RABGAP1L: variants seen among roughly 807,000 people sequenced by gnomAD.
RABGAP1L encodes the protein RAB GTPase activating protein 1 like.
A neutral mutation model predicts 137.7 loss-of-function variants in RABGAP1L; 63 were observed. The ratio of observed to expected loss-of-function variants is 0.46; its 90% CI spans 0.37 to 0.56. RABGAP1L has a LOEUF of 0.56. RABGAP1L is among the 20% of genes least tolerant of loss of function. The pLI is 0.00. For missense variants in RABGAP1L, 1,095 were observed against 1,244.0 expected, an observed-to-expected ratio of 0.88 and a Z score of 1.80; for synonymous variants, 431 against 433.7, an observed-to-expected ratio of 0.99 and a Z score of 0.08.
rs950995204 is a variant in RABGAP1L at position 174,272,398 on chromosome 1, C to T, written c.987-16C>T. On this transcript the variant is annotated splice_polypyrimidine_tract_variant and intron_variant, in intron 7 of 25. Coordinates refer to ENST00000681986, the MANE Select transcript of RABGAP1L (RefSeq NM_001366446.1). ...TTGATACCTTATTTCTCCTTTTTTT[C>T]CCCCAATATTTTCAGATGTTTTGGA... 3 of 1,594,806 alleles carry T rather than the reference C, an allele frequency of 1.9e-6. No individual in the cohort carries two copies. Among genetic ancestry groups the T allele is most frequent in the Admixed American group, 1.8e-5 (1 of 55,576 alleles).
chr1:174,507,199 A>C (rs944168268), intron 13 of RABGAP1L, among the ~76,000 whole-genome samples: 3 of 152,242 alleles, frequency 2.0e-5, no homozygotes, highest in Admixed American at 6.5e-5. Context: ...AATGGGACAG[A>C]ATACTGCTGC....
rs1308605393 is a variant in RABGAP1L at position 174,671,158 on chromosome 1, A to G, written c.1825-12364A>G. On this transcript the variant is annotated intron_variant, in intron 14 of 25. Transcript: ENST00000681986. ...ACCGTTAGTGCATAGAAATGCTACT[A>G]ACACACTTTTATAAGTTGATTTTGT... 3.3e-5 allele frequency among the ~76,000 whole-genome samples: 5 copies of G among 152,238 alleles called. No homozygotes were observed. The East Asian group carries it at 9.6e-4, about 29-fold the overall frequency.
chr1:174,981,041 T>A (rs138043657), intron 23 of RABGAP1L, among the ~76,000 whole-genome samples: 152 of 152,214 alleles, frequency 1.0e-3, no homozygotes, highest in Middle Eastern at 6.8e-3. Context: ...GAATTTCCCA[T>A]TGCTACAAAT....
intron 13 of RABGAP1L, among the ~76,000 whole-genome samples, chr1:174,492,757 A>C (rs1660382039): frequency 6.6e-6 from 1 of 152,068 alleles, no homozygotes. Context: ...CATTACATGA[A>C]GGCTTTGTTC....
chr1:174,534,967 A>G (rs1558316793), intron 13 of RABGAP1L, among the ~76,000 whole-genome samples: 4 of 152,094 alleles, frequency 2.6e-5, no homozygotes, highest in Admixed American at 2.6e-4. Flanking sequence ...TAGTGTATAC[A>G]GTGTGGTTTG....
intron 3 of RABGAP1L, among the ~76,000 whole-genome samples, chr1:174,227,666 A>G (rs1210488262): frequency 6.6e-6 from 1 of 151,872 alleles, no homozygotes; most frequent in Non-Finnish European, 1.5e-5. Flanking sequence ...TAGCTATATA[A>G]TTTTGTCTTA....
chr1:174,951,086 C>G (rs1667633311), intron 19 of RABGAP1L, among the ~76,000 whole-genome samples: 1 of 152,200 alleles, frequency 6.6e-6, no homozygotes, highest in Non-Finnish European at 1.5e-5. Flanking sequence ...GAAAATCCTC[C>G]TCACTGAGGT....
At chr1:174,292,613 A>G (rs1676737448) in intron 10 of RABGAP1L, among the ~76,000 whole-genome samples, 1 of 151,838 alleles carries the variant, frequency 6.6e-6, no homozygotes, top group African/African-American at 2.4e-5. Context: ...GTCACAGAGT[A>G]TACTCTATAT....
intron 13 of RABGAP1L, among the ~76,000 whole-genome samples, chr1:174,550,895 TACACACACAC>T (rs1395408033): frequency 3.5e-4 from 18 of 50,908 alleles, no homozygotes; most frequent in East Asian, 1.2e-3. Context: ...TATATATATA[TACACACACAC>T]ATATACACAC....
At chr1:174,693,709 C>T (rs1679039512) in intron 15 of RABGAP1L, among the ~76,000 whole-genome samples, 1 of 151,948 alleles carries the variant, frequency 6.6e-6, no homozygotes, top group African/African-American at 2.4e-5. Flanking sequence ...CAGGCAAATA[C>T]AATAGATACA....
chr1:174,720,308 GT>G (rs1273951027), intron 17 of RABGAP1L, among the ~76,000 whole-genome samples: 29 of 145,978 alleles, frequency 2.0e-4, no homozygotes, highest in Admixed American at 2.7e-4. Context: ...CAGATAGTTG[GT>G]TTTTTTTTTT....
At chr1:174,659,954 C>T (rs1280210743) in intron 14 of RABGAP1L, among the ~76,000 whole-genome samples, 1 of 152,164 alleles carries the variant, frequency 6.6e-6, no homozygotes, top group Non-Finnish European at 1.5e-5. Context: ...ACCAGAACAG[C>T]AATCCCAGGA....
At chr1:174,464,318 T>C (rs1571924622) in intron 13 of RABGAP1L, among the ~76,000 whole-genome samples, 1 of 136,696 alleles carries the variant, frequency 7.3e-6, no homozygotes, top group East Asian at 1.9e-4. Context: ...TTAATTGTTC[T>C]CTTTAACTAC....
intron 11 of RABGAP1L, among the ~76,000 whole-genome samples, chr1:174,322,708 A>G (rs1680105097): frequency 6.6e-6 from 1 of 152,156 alleles, no homozygotes; most frequent in Admixed American, 6.5e-5. Flanking sequence ...ATTCTACTGT[A>G]TTCTATAGAA....
At chr1:174,853,957 C>T (rs1216863838) in intron 19 of RABGAP1L, among the ~76,000 whole-genome samples, 1 of 152,014 alleles carries the variant, frequency 6.6e-6, no homozygotes, top group Non-Finnish European at 1.5e-5. Flanking sequence ...CAGTTTGGAC[C>T]CTGCATCTTA....
At chr1:174,256,966 C>G (rs1201330476) in intron 7 of RABGAP1L, among the ~76,000 whole-genome samples, 1 of 152,162 alleles carries the variant, frequency 6.6e-6, no homozygotes, top group African/African-American at 2.4e-5. Flanking sequence ...CCTTGGCATT[C>G]TGATGTAAAC....
At chr1:174,367,564 GT>G in intron 11 of RABGAP1L, 1 of 255,882 alleles carries the variant, frequency 3.9e-6, no homozygotes, top group South Asian at 5.2e-5. Context: ...TATTTTTTCT[GT>G]TTAGCTGGTT....
At chr1:174,655,021 G>A (rs977270819) in intron 14 of RABGAP1L, among the ~76,000 whole-genome samples, 1 of 152,030 alleles carries the variant, frequency 6.6e-6, no homozygotes, top group South Asian at 2.1e-4. Flanking sequence ...CCAGATTTCT[G>A]TGTATTTTTA....
At chr1:174,614,723 C>T (rs976006237) in intron 13 of RABGAP1L, among the ~76,000 whole-genome samples, 6 of 152,310 alleles carry the variant, frequency 3.9e-5, no homozygotes, top group East Asian at 3.9e-4. Context: ...ACCAATCAGA[C>T]GTAGATTTGG....
Sources: gnomAD v4.1 joint callset for allele counts (sites outside exome capture counted in the v4.1 genomes callset) on GRCh38, gnomAD v4.1.1 for gene constraint, MANE v1.5 for transcripts, NCBI Gene and HGNC (gene_info 2026-07-23, HGNC 2026-07-21) for gene names.